YWHAG: variants seen among roughly 807,000 people sequenced by gnomAD.
YWHAG encodes 14-3-3 protein gamma.
Under a neutral mutation model 23.3 loss-of-function variants are expected in YWHAG, and 1 was observed. That is an observed-to-expected ratio of 0.04 (90% CI 0.02 to 0.20). The LOEUF is 0.20. Among genes scored for constraint, YWHAG ranks in the 10% least tolerant of loss-of-function variants. The pLI, the probability that YWHAG is intolerant of heterozygous loss-of-function variation, is 1.00. For synonymous variants in YWHAG, 160 were observed against 144.0 expected (o/e 1.11, Z -0.80); for missense variants, 151 against 338.6 (o/e 0.45, Z 4.35).
chr7:76,329,216 T>C lies in YWHAG; in HGVS notation c.*361A>G. On this transcript the variant is annotated 3_prime_UTR_variant, in exon 2 of 2. Coordinates refer to ENST00000307630, the MANE Select transcript of YWHAG (RefSeq NM_012479.4). This position sits in a 1 kb window ranked among gnomAD's most constrained non-coding sequence, Gnocchi z 6.1. ...AGCGTATGTACATAAAAATCCTTAC[T>C]GGAACCACAGAACTTACTGAATGAG... 1 of 217,818 alleles carries C rather than the reference T, an allele frequency of 4.6e-6. No individual in the cohort carries two copies. Among genetic ancestry groups the C allele is most frequent in the Non-Finnish European group, 9.2e-6 (1 of 108,818 alleles). 13.5% of individuals were successfully genotyped at this position (217,818 alleles called of 1,614,324 possible).
intron 1 of YWHAG, among the ~76,000 whole-genome samples, chr7:76,345,273 C>T (rs1026802100): frequency 1.3e-5 from 2 of 150,890 alleles, no homozygotes; most frequent in Admixed American, 1.3e-4. Flanking sequence ...GCAAGCTCTG[C>T]CTCCCGGGTT....
chr7:76,358,822 G>C lies in YWHAG; in HGVS notation c.-14C>G, dbSNP rs1401021034. 1 of 1,586,138 alleles carries C rather than the reference G, an allele frequency of 6.3e-7. No individual in the cohort carries two copies. The highest frequency in any genetic ancestry group is 8.6e-7 in the Non-Finnish European group (1 of 1,167,598). ...GCGGTCCACCATCTTCGCGGGGCTG[G>C]GTCTGGCCGGAGAAGGAGGAGGACA... On this transcript the variant is annotated 5_prime_UTR_variant, in exon 1 of 2. Transcript: ENST00000307630.
chr7:76,357,560 GCAATA>G (rs1420913299), intron 1 of YWHAG, among the ~76,000 whole-genome samples: 5 of 152,062 alleles, frequency 3.3e-5, no homozygotes, highest in Non-Finnish European at 7.4e-5. Flanking sequence ...ACAAAATGGT[GCAATA>G]CAGGGATGAA....
At position 76,327,684 on chromosome 7, in the gene YWHAG, C is replaced by CCCCCCCCCCA. The variant is rs1803468127; in HGVS notation, c.*1892_*1893insTGGGGGGGGG. Reference sequence around the variant, plus strand: ...ACCTACCCTGCCCCCCCCCCCCTCCCCCCCCAAATCGTCTTCCTCCCATGG... The same window carrying CCCCCCCCCCA: ...ACCTACCCTGCCCCCCCCCCCCTCCCCCCCCCCCCACCCCCAAATCGTCTTCCTCCCATGG... On this transcript the variant is annotated 3_prime_UTR_variant, in exon 2 of 2. Transcript: ENST00000307630. 8.6e-6 allele frequency: 1 copy of CCCCCCCCCCA among 116,380 alleles called. No homozygotes were observed. Among genetic ancestry groups the CCCCCCCCCCA allele is most frequent in the African/African-American group, 3.4e-5 (1 of 29,124 alleles). The allele number at this position is 116,380 out of a possible 1,614,324, so 7.2% of individuals were successfully genotyped here. A position where few individuals can be genotyped will look rare whatever the true frequency, so the allele number is the denominator to read the frequency against.
intron 1 of YWHAG, among the ~76,000 whole-genome samples, chr7:76,351,652 A>G (rs1803874024): frequency 6.6e-6 from 1 of 152,172 alleles, no homozygotes; most frequent in Non-Finnish European, 1.5e-5. Context: ...TGTGAACTGC[A>G]CACAAAAGGG....
rs1194025359 is a variant in YWHAG at position 76,355,345 on chromosome 7, G to A, written c.87+3377C>T. 2.6e-5 allele frequency among the ~76,000 whole-genome samples: 4 copies of A among 152,162 alleles called. No individual in the cohort carries two copies. In the East Asian group the frequency reaches 7.7e-4, roughly 29 times the overall value. Reference sequence around the variant, plus strand: ...ACTCTTAGGTTTGCAGTTAATCCAGGACTGCAATGAGGATGAACATTTAGC... The same window carrying A: ...ACTCTTAGGTTTGCAGTTAATCCAGAACTGCAATGAGGATGAACATTTAGC... On this transcript the variant is annotated intron_variant, in intron 1 of 1. Transcript: ENST00000307630.
chr7:76,329,552 G>C lies in YWHAG; in HGVS notation c.*25C>G. The C allele has an allele frequency of 6.6e-7, 1 of 1,514,844 alleles. No individual in the cohort carries two copies. Among genetic ancestry groups the C allele is most frequent in the South Asian group, 1.2e-5 (1 of 86,376 alleles). The allele number at this position is 1,514,844 out of a possible 1,614,324, so 93.8% of individuals were successfully genotyped here. ...TAAAGACTGCAGTAGTAGCATCCGC[G>C]TGCGCTGCCAGTTCCCCTGGGGCCT... is the stretch of plus-strand genomic sequence containing the variant. On this transcript the variant is annotated 3_prime_UTR_variant, in exon 2 of 2. Coordinates refer to ENST00000307630, the MANE Select transcript of YWHAG (RefSeq NM_012479.4). This position sits in a 1 kb window ranked among gnomAD's most constrained non-coding sequence, Gnocchi z 6.1.
chr7:76,348,637 C>T (rs1181833141), intron 1 of YWHAG, among the ~76,000 whole-genome samples: 1 of 152,078 alleles, frequency 6.6e-6, no homozygotes, highest in African/African-American at 2.4e-5. Context: ...ATCTCCTAAC[C>T]TCGTGATGCA....
rs1803456623 is a variant in YWHAG, at chr7:76,327,195, A to G, written c.*2382T>C. 1 of 152,064 alleles carries G rather than the reference A, an allele frequency of 6.6e-6. No individual in the cohort carries two copies. The highest frequency in any genetic ancestry group is 1.5e-5 in the Non-Finnish European group (1 of 68,010). The allele number at this position is 152,064 out of a possible 1,614,324, so 9.4% of individuals were successfully genotyped here. On this transcript the variant is annotated 3_prime_UTR_variant, in exon 2 of 2. Transcript: ENST00000307630. ...TTACAATCACTATTTGGTAGAGCAA[A>G]CTTTACCCCCAAAAGGAAAAATTAA...
chr7:76,339,166 T>C (rs1023700849), intron 1 of YWHAG, among the ~76,000 whole-genome samples: 1 of 152,172 alleles, frequency 6.6e-6, no homozygotes, highest in African/African-American at 2.4e-5. Flanking sequence ...TTTAACTTAG[T>C]TGTATAAAAA....
At chr7:76,335,204 T>C (rs1369494237) in intron 1 of YWHAG, among the ~76,000 whole-genome samples, 1 of 152,126 alleles carries the variant, frequency 6.6e-6, no homozygotes, top group Non-Finnish European at 1.5e-5. Flanking sequence ...ATTACAGGCG[T>C]GTGCCACTAC....
intron 1 of YWHAG, among the ~76,000 whole-genome samples, chr7:76,333,896 T>C (rs552150227): frequency 1.3e-5 from 2 of 152,320 alleles, no homozygotes; most frequent in South Asian, 4.1e-4. Flanking sequence ...GCTCAAATTA[T>C]CTCACCAGTC....
intron 1 of YWHAG, among the ~76,000 whole-genome samples, chr7:76,340,612 A>G (rs976052231): frequency 2.6e-5 from 4 of 152,236 alleles, no homozygotes; most frequent in Non-Finnish European, 5.9e-5. Flanking sequence ...ATTAAGGCTC[A>G]GCGCTGAAGA....
At chr7:76,351,091 C>G (rs115981348) in intron 1 of YWHAG, among the ~76,000 whole-genome samples, 1 of 152,060 alleles carries the variant, frequency 6.6e-6, no homozygotes, top group Non-Finnish European at 1.5e-5. Flanking sequence ...GAAAAAGACA[C>G]GATGGAAATA....
At chr7:76,334,133 A>G (rs1803584129) in intron 1 of YWHAG, among the ~76,000 whole-genome samples, 1 of 152,234 alleles carries the variant, frequency 6.6e-6, no homozygotes, top group South Asian at 2.1e-4. Flanking sequence ...AGCTCTAAAA[A>G]GTCTAAAGAA....
intron 1 of YWHAG, among the ~76,000 whole-genome samples, chr7:76,345,408 A>C (rs1214030441): frequency 6.6e-6 from 1 of 151,590 alleles, no homozygotes; most frequent in Non-Finnish European, 1.5e-5. Flanking sequence ...GGATAGTCTC[A>C]ATCTCCTGAC....
At chr7:76,333,098 T>A (rs1447293235) in intron 1 of YWHAG, among the ~76,000 whole-genome samples, 1 of 152,100 alleles carries the variant, frequency 6.6e-6, no homozygotes, top group Non-Finnish European at 1.5e-5. Flanking sequence ...GCCTCCTGAG[T>A]GGCTGGGACT....
chr7:76,336,442 A>C (rs901397966), intron 1 of YWHAG, among the ~76,000 whole-genome samples: 1 of 147,838 alleles, frequency 6.8e-6, no homozygotes, highest in South Asian at 2.1e-4. Flanking sequence ...CTGCTCTAAG[A>C]AAGTCTGGCT....
intron 1 of YWHAG, among the ~76,000 whole-genome samples, chr7:76,331,603 T>C (rs146659344): frequency 2.0e-5 from 3 of 152,154 alleles, no homozygotes; most frequent in African/African-American, 7.2e-5. Flanking sequence ...GTATTTTATG[T>C]GTGGCCCAAG....
Sources: allele counts gnomAD v4.1 joint callset (sites outside exome capture counted in the v4.1 genomes callset), GRCh38; gene constraint gnomAD v4.1.1; non-coding constraint Gnocchi (gnomAD v3.1); transcripts MANE v1.5; gene names NCBI Gene and HGNC (gene_info 2026-07-23, HGNC 2026-07-21).